Variants in SORCS1 observed in about 807,000 individuals in gnomAD.
SORCS1 encodes the protein sortilin related VPS10 domain containing receptor 1.
A neutral mutation model predicts 146.1 loss-of-function variants in SORCS1; 60 were observed. The ratio of observed to expected loss-of-function variants is 0.41; its 90% CI spans 0.33 to 0.51. The LOEUF is 0.51. SORCS1 is among the 20% of genes least tolerant of loss of function. The pLI, the probability that SORCS1 is intolerant of heterozygous loss-of-function variation, is 0.21. For missense variants in SORCS1, 1,352 were observed against 1,487.6 expected, an observed-to-expected ratio of 0.91 and a Z score of 1.50; for synonymous variants, 637 against 584.0, an observed-to-expected ratio of 1.09 and a Z score of -1.31.
At chr10:107,053,748 TG>T (rs1960347483) in intron 1 of SORCS1, among the ~76,000 whole-genome samples, 1 of 152,156 alleles carries the variant, frequency 6.6e-6, no homozygotes, top group Non-Finnish European at 1.5e-5. Flanking sequence ...GCAGATGCCC[TG>T]GTGTCTTGTG....
rs533480408 is a variant in SORCS1 at position 107,035,696 on chromosome 10, T to G, written c.559-79116A>C. Among the ~76,000 whole-genome samples, 7 of 152,258 alleles carry G rather than the reference T, an allele frequency of 4.6e-5. No homozygotes were observed. In the South Asian group the frequency reaches 1.5e-3, roughly 32 times the overall value. On this transcript the variant is annotated intron_variant, in intron 1 of 25. Coordinates refer to ENST00000263054, the MANE Select transcript of SORCS1 (RefSeq NM_052918.5). ...GCCTGTCAATGGAAAAGCTCGTATC[T>G]CACTTAAAAGCTATTTCACATTTGA...
chr10:106,593,558 C>T (rs916677713), intron 24 of SORCS1, among the ~76,000 whole-genome samples: 2 of 152,220 alleles, frequency 1.3e-5, no homozygotes, highest in African/African-American at 4.8e-5. Context: ...ACTTATCAAA[C>T]TGGAGCTAAT....
At chr10:106,599,304 G>A (rs1208935286) in intron 23 of SORCS1, among the ~76,000 whole-genome samples, 1 of 151,112 alleles carries the variant, frequency 6.6e-6, no homozygotes, top group Non-Finnish European at 1.5e-5. Context: ...GAAGGCAGAC[G>A]TTGCAGTGAG....
At chr10:107,074,058 T>C (rs1437265640) in intron 1 of SORCS1, among the ~76,000 whole-genome samples, 8 of 152,108 alleles carry the variant, frequency 5.3e-5, no homozygotes, top group Non-Finnish European at 4.4e-5. Context: ...TCACCCAGAG[T>C]ACAAAGTTTA....
At chr10:106,798,987 A>T (rs1399732293) in intron 3 of SORCS1, among the ~76,000 whole-genome samples, 1 of 152,206 alleles carries the variant, frequency 6.6e-6, no homozygotes, top group Admixed American at 6.5e-5. Flanking sequence ...CTATACTACA[A>T]AGCTACAGTA....
intron 2 of SORCS1, among the ~76,000 whole-genome samples, chr10:106,844,889 T>C (rs1949251985): frequency 6.6e-6 from 1 of 150,728 alleles, no homozygotes. Context: ...ATTTCATCCA[T>C]GGCCCTACAA....
intron 2 of SORCS1, among the ~76,000 whole-genome samples, chr10:106,860,431 C>T (rs1028724923): frequency 2.6e-5 from 4 of 152,158 alleles, no homozygotes; most frequent in Non-Finnish European, 5.9e-5. Flanking sequence ...TTATGAATAA[C>T]AGTGAACATT....
At chr10:107,168,244 T>C (rs78391009), upstream of SORCS1, among the ~76,000 whole-genome samples, 1 of 152,316 alleles carries the variant, frequency 6.6e-6, no homozygotes, top group East Asian at 1.9e-4. Flanking sequence ...GGCTGACTCC[T>C]CTTTTTTGAG....
At chr10:107,016,853 A>G (rs1044105829) in intron 1 of SORCS1, among the ~76,000 whole-genome samples, 21 of 152,234 alleles carry the variant, frequency 1.4e-4, no homozygotes, top group Middle Eastern at 3.2e-3. Flanking sequence ...CAGAGAAAAA[A>G]GAGGGCGAAC....
At chr10:107,069,590 G>A (rs1429496844) in intron 1 of SORCS1, among the ~76,000 whole-genome samples, 1 of 152,092 alleles carries the variant, frequency 6.6e-6, no homozygotes, top group Non-Finnish European at 1.5e-5. Context: ...TGGCCAGGCT[G>A]GTCTCGACCT....
At chr10:107,005,172 A>C (rs919172550) in intron 1 of SORCS1, among the ~76,000 whole-genome samples, 1 of 152,112 alleles carries the variant, frequency 6.6e-6, no homozygotes, top group Non-Finnish European at 1.5e-5. Context: ...AGAAAATGAA[A>C]AGCCAAGAGA....
intron 3 of SORCS1, among the ~76,000 whole-genome samples, chr10:106,806,504 C>CCTCT (rs1947186279): frequency 1.1e-5 from 1 of 92,912 alleles, no homozygotes; most frequent in African/African-American, 4.6e-5. Flanking sequence ...AGAGAGGAAG[C>CCTCT]CTTTTTTTTT....
At chr10:106,891,511 T>TTTTTTTTTTTTTTTTTTTTTTTTTC (rs1951235007) in intron 2 of SORCS1, among the ~76,000 whole-genome samples, 1 of 146,436 alleles carries the variant, frequency 6.8e-6, no homozygotes, top group Admixed American at 6.8e-5. Flanking sequence ...ATTCTTTTTT[T>TTTTTTTTTTTTTTTTTTTTTTTTTC]TTTTTTGAGA....
intron 1 of SORCS1, among the ~76,000 whole-genome samples, chr10:107,133,445 G>A (rs1967020370): frequency 1.3e-5 from 2 of 152,082 alleles, no homozygotes; most frequent in Admixed American, 1.3e-4. Flanking sequence ...AGGAGGGAAG[G>A]GTAGAATGCC....
chr10:106,753,912 T>C (rs1309607472), intron 5 of SORCS1, among the ~76,000 whole-genome samples: 5 of 152,198 alleles, frequency 3.3e-5, no homozygotes, highest in African/African-American at 7.2e-5. Flanking sequence ...TAAATTTCAT[T>C]ACTATTGTCT....
intron 4 of SORCS1, among the ~76,000 whole-genome samples, chr10:106,766,208 G>C (rs968132972): frequency 2.0e-5 from 3 of 152,084 alleles, no homozygotes; most frequent in African/African-American, 7.2e-5. Flanking sequence ...TAACATTTTG[G>C]AAGCAGGGGG....
chr10:106,805,781 G>T (rs543353037), intron 3 of SORCS1, among the ~76,000 whole-genome samples: 2 of 151,976 alleles, frequency 1.3e-5, no homozygotes, highest in Admixed American at 1.3e-4. Flanking sequence ...AAAATCAGCC[G>T]GGCGTGGTGG....
chr10:107,156,627 C>G lies in SORCS1; in HGVS notation c.558+7342G>C, dbSNP rs954237890. ...AAGTAGAAAAAGCTACATCTGGTAACTCAGTTATAATCCTTGAGCAAGTAA... is the reference window on the plus strand; with the variant it reads ...AAGTAGAAAAAGCTACATCTGGTAAGTCAGTTATAATCCTTGAGCAAGTAA... On this transcript the variant is annotated intron_variant, in intron 1 of 25. Transcript: ENST00000263054. 2.6e-5 allele frequency among the ~76,000 whole-genome samples: 4 copies of G among 152,226 alleles called. No homozygotes were observed. In the South Asian group the frequency reaches 6.2e-4, roughly 24 times the overall value.
chr10:107,072,876 G>A (rs985129856), intron 1 of SORCS1, among the ~76,000 whole-genome samples: 17 of 151,478 alleles, frequency 1.1e-4, no homozygotes, highest in African/African-American at 3.4e-4. Flanking sequence ...CAGCCAGCTC[G>A]GGACACCAGA....
Sources: allele counts gnomAD v4.1 joint callset (sites outside exome capture counted in the v4.1 genomes callset), GRCh38; gene constraint gnomAD v4.1.1; transcripts MANE v1.5; gene names NCBI Gene and HGNC (gene_info 2026-07-23, HGNC 2026-07-21).